Variants in ILDR2 observed in about 807,000 individuals in gnomAD.
ILDR2 encodes immunoglobulin-like domain-containing receptor 2.
ILDR2 carries 25 observed loss-of-function variants against 66.8 expected under a neutral mutation model. That is an observed-to-expected ratio of 0.37 (90% CI 0.27 to 0.52). The LOEUF is 0.52. Among genes scored for constraint, ILDR2 ranks in the 20% least tolerant of loss-of-function variants. The probability of loss-of-function intolerance (pLI) is 0.88; values close to 1 mark genes in which losing one functional copy is unlikely to be tolerated. For missense variants in ILDR2, 827 were observed against 876.8 expected, an observed-to-expected ratio of 0.94 and a Z score of 0.72; for synonymous variants, 367 against 357.2, an observed-to-expected ratio of 1.03 and a Z score of -0.31.
intron 3 of ILDR2, among the ~76,000 whole-genome samples, chr1:166,941,292 GAAGGAC>G (rs1246112916): frequency 6.6e-6 from 1 of 152,160 alleles, no homozygotes; most frequent in African/African-American, 2.4e-5. Context: ...AGGTCTCTTG[GAAGGAC>G]AAGTAGGAGT....
Position 166,918,576 on chromosome 1 carries a change from G to C in ILDR2, c.*779C>G, listed in dbSNP as rs1263454014. The C allele has an allele frequency of 1.3e-5, 2 of 152,284 alleles. No individual in the cohort carries two copies. The highest frequency in any genetic ancestry group is 4.8e-5 in the African/African-American group (2 of 41,452). 9.4% of individuals were successfully genotyped at this position (152,284 alleles called of 1,614,324 possible). On this transcript the variant is annotated 3_prime_UTR_variant, in exon 10 of 10. Coordinates refer to ENST00000271417, the MANE Select transcript of ILDR2 (RefSeq NM_199351.3). ...TGGCACCAACCTGTGGGAAGTCCAGGAGAGGGGAGGAAGAGAAGAGCCCTT... is the reference window on the plus strand; with the variant it reads ...TGGCACCAACCTGTGGGAAGTCCAGCAGAGGGGAGGAAGAGAAGAGCCCTT...
intron 1 of ILDR2, among the ~76,000 whole-genome samples, chr1:166,959,532 G>A (rs958095137): frequency 7.2e-5 from 11 of 152,224 alleles, no homozygotes; most frequent in Non-Finnish European, 1.3e-4. Context: ...ATCAAATGCA[G>A]TAGACTAAGT....
At chr1:166,956,876 C>A in intron 2 of ILDR2, 24 bp from the exon 3 acceptor site, 1 of 1,612,516 alleles carries the variant, frequency 6.2e-7, no homozygotes, top group African/African-American at 1.3e-5. Context: ...AAGAAGGACT[C>A]AGTCCTAAAA....
At chr1:166,931,157 A>G (rs1011802410) in intron 6 of ILDR2, among the ~76,000 whole-genome samples, 2 of 152,184 alleles carry the variant, frequency 1.3e-5, no homozygotes, top group Non-Finnish European at 2.9e-5. Flanking sequence ...ATAATTTTAA[A>G]AATTCTTATT....
chr1:166,965,363 T>C (rs1662875831), intron 1 of ILDR2, among the ~76,000 whole-genome samples: 1 of 152,142 alleles, frequency 6.6e-6, no homozygotes, highest in Non-Finnish European at 1.5e-5. Flanking sequence ...TTTTATATAA[T>C]ATTTTTAATA....
intron 3 of ILDR2, among the ~76,000 whole-genome samples, chr1:166,945,745 A>G (rs1661579287): frequency 6.6e-6 from 1 of 152,238 alleles, no homozygotes; most frequent in Non-Finnish European, 1.5e-5. Flanking sequence ...AGGAAAAGGA[A>G]GTATAACATT....
At chr1:166,973,913 A>G (rs1391239845) in intron 1 of ILDR2, among the ~76,000 whole-genome samples, 5 of 152,194 alleles carry the variant, frequency 3.3e-5, no homozygotes, top group Admixed American at 3.3e-4. Flanking sequence ...CAGTGGGGCA[A>G]CGGCAATGTT....
intron 9 of ILDR2, among the ~76,000 whole-genome samples, chr1:166,920,202 C>G (rs1659823730): frequency 6.6e-6 from 1 of 152,158 alleles, no homozygotes; most frequent in Non-Finnish European, 1.5e-5. Flanking sequence ...CATGAGTTGT[C>G]CTTTGCAAAC....
chr1:166,973,593 C>T (rs1433316309), intron 1 of ILDR2, among the ~76,000 whole-genome samples: 1 of 144,232 alleles, frequency 6.9e-6, no homozygotes, highest in Non-Finnish European at 1.5e-5. Flanking sequence ...GTAAAGAGCA[C>T]CTCTGACTCA....
At chr1:166,973,619 C>CCG (rs1553233629) in intron 1 of ILDR2, among the ~76,000 whole-genome samples, 1 of 126,912 alleles carries the variant, frequency 7.9e-6, no homozygotes, top group African/African-American at 2.9e-5. Context: ...CCCTCCCCCC[C>CCG]CCCCCCGATG....
chr1:166,897,689 C>T (rs1264042243), intron 2 of ILDR2, among the ~76,000 whole-genome samples: 2 of 152,156 alleles, frequency 1.3e-5, no homozygotes, highest in African/African-American at 2.4e-5. Flanking sequence ...TGAGCCTCCT[C>T]GTTGGTAATA....
rs749844164 is a variant in ILDR2 at position 166,917,169 on chromosome 1, G to A, written c.*2186C>T. 6.6e-6 allele frequency: 1 copy of A among 152,244 alleles called. No individual in the cohort carries two copies. Among genetic ancestry groups the A allele is most frequent in the Non-Finnish European group, 1.5e-5 (1 of 68,104 alleles). The allele number at this position is 152,244 out of a possible 1,614,324, so 9.4% of individuals were successfully genotyped here. On this transcript the variant is annotated 3_prime_UTR_variant, in exon 10 of 10. Transcript: ENST00000271417. The stretch of plus-strand genomic sequence containing the variant: ...ACTCAGCACCAGGGTTATGGCTTGT[G>A]TCTTCCAGCCCTTGGAAGTGCCAGC...
At chr1:166,975,096 A>T in intron 1 of ILDR2, 127 bp downstream of exon 1, 1 of 743,262 alleles carries the variant, frequency 1.3e-6, no homozygotes, top group Non-Finnish European at 2.4e-6. Flanking sequence ...CCCACTTTCC[A>T]CCAGACCGCT....
Position 166,914,493 on chromosome 1 carries a change from CACA to C in ILDR2, c.*4859_*4861del, listed in dbSNP as rs1659569467. The stretch of plus-strand genomic sequence containing the variant: ...AGTTTTACATTCTATGTAATGAGAC[CACA>C]ACATCTGCCCTGCCTCTATCACAGC... On this transcript the variant is annotated 3_prime_UTR_variant, in exon 10 of 10. Transcript: ENST00000271417. 6.6e-6 allele frequency: 1 copy of C among 152,184 alleles called. No individual in the cohort carries two copies. The highest frequency in any genetic ancestry group is 6.5e-5 in the Admixed American group (1 of 15,278). The allele number at this position is 152,184 out of a possible 1,614,324, so 9.4% of individuals were successfully genotyped here. A position where few individuals can be genotyped will look rare whatever the true frequency, so the allele number is the denominator to read the frequency against.
rs1339630905 is a variant in ILDR2, at chr1:166,975,406, G to C, written c.-138C>G. 7.2e-6 allele frequency: 2 copies of C among 277,708 alleles called. No individual in the cohort carries two copies. The highest frequency in any genetic ancestry group is 4.6e-5 in the African/African-American group (2 of 43,140). The allele number at this position is 277,708 out of a possible 1,614,324, so 17.2% of individuals were successfully genotyped here. A position where few individuals can be genotyped will look rare whatever the true frequency, so the allele number is the denominator to read the frequency against. On this transcript the variant is annotated 5_prime_UTR_variant, in exon 1 of 10. Coordinates refer to ENST00000271417, the MANE Select transcript of ILDR2 (RefSeq NM_199351.3). ...CGTCCCTGGGCGCAGCGCCCGCCGG[G>C]CCGGCCGCGCAGGCGGGGCCGGGGG... is the stretch of plus-strand genomic sequence containing the variant.
rs953436413 is a variant in ILDR2 at position 166,921,942 on chromosome 1, A to C, written c.1212-563T>G. Among the ~76,000 whole-genome samples the C allele has an allele frequency of 6.6e-6, 1 of 152,142 alleles. No homozygotes were observed. The highest frequency in any genetic ancestry group is 1.5e-5 in the Non-Finnish European group (1 of 68,002). On this transcript the variant is annotated intron_variant, in intron 8 of 9. Transcript: ENST00000271417. This position sits in a 1 kb window ranked among gnomAD's most constrained non-coding sequence, Gnocchi z 5.3. ...AGGTGCTATTTAGGGGGAATAGCAA[A>C]TCTTAGCCTCCCACAATTGTTGTGG... is the stretch of plus-strand genomic sequence containing the variant.
At position 166,921,195 on chromosome 1, in the gene ILDR2, T is replaced by A; in HGVS notation, c.1396A>T (p.Ser466Cys). 1 of 1,577,324 alleles carries A rather than the reference T, an allele frequency of 6.3e-7. No individual in the cohort carries two copies. Among genetic ancestry groups the A allele is most frequent in the Non-Finnish European group, 8.6e-7 (1 of 1,168,922 alleles). The change falls in exon 9 of 10, where the codon AGC becomes TGC. Residue 466 changes from serine to cysteine, a missense_variant. Coordinates refer to ENST00000271417, the MANE Select transcript of ILDR2 (RefSeq NM_199351.3). This position sits in a 1 kb window ranked among gnomAD's most constrained non-coding sequence, Gnocchi z 5.3. ...RFERSESRAH[S>C]GFYQDDSLEE... ...AAGGAGTCGTCCTGGTAGAAGCCGC[T>A]GTGCGCCCGCGACTCCGAGCGCTCG...
intron 2 of ILDR2, among the ~76,000 whole-genome samples, chr1:166,899,987 G>T (rs1454733019): frequency 6.6e-6 from 1 of 152,194 alleles, no homozygotes; most frequent in African/African-American, 2.4e-5. Flanking sequence ...TGCTAGAAAT[G>T]CAGAATCTCA....
In ILDR2 at chr1:166,921,391, G is replaced by A. The variant is rs760297341; in HGVS notation, c.1212-12C>T. On this transcript the variant is annotated splice_polypyrimidine_tract_variant and intron_variant, in intron 8 of 9. Transcript: ENST00000271417. The surrounding 1 kb of genome is among the most constrained non-coding windows in gnomAD (Gnocchi z 5.3). Reference sequence around the variant, plus strand: ...TGGAGCGCGGCTGGCTGCGGGCAGAGAAGGAGGGGGTCAGACGGCCGGTCC... The same window carrying A: ...TGGAGCGCGGCTGGCTGCGGGCAGAAAAGGAGGGGGTCAGACGGCCGGTCC... 1.3e-6 allele frequency: 2 copies of A among 1,546,426 alleles called. No individual in the cohort carries two copies. The highest frequency in any genetic ancestry group is 1.7e-6 in the Non-Finnish European group (2 of 1,144,700).
Sources: allele counts gnomAD v4.1 joint callset (sites outside exome capture counted in the v4.1 genomes callset), GRCh38; gene constraint gnomAD v4.1.1; non-coding constraint Gnocchi (gnomAD v3.1); transcripts MANE v1.5; gene names NCBI Gene and HGNC (gene_info 2026-07-23, HGNC 2026-07-21).